The following P2RX3 variants were observed in gnomAD, a reference collection of about 807,000 sequenced individuals.
P2RX3 encodes the protein P2X purinoceptor 3.
A neutral mutation model predicts 51.5 loss-of-function variants in P2RX3; 41 were observed. That is an observed-to-expected ratio of 0.80 (90% CI 0.62 to 1.03). The LOEUF (loss-of-function observed/expected upper bound fraction) is 1.03. P2RX3 is among the 50% of genes least tolerant of loss of function. The probability of loss-of-function intolerance (pLI) is 0.00; values close to 1 mark genes in which losing one functional copy is unlikely to be tolerated. For missense variants in P2RX3, 459 were observed against 522.1 expected (o/e 0.88, Z 1.18); for synonymous variants, 185 against 191.6 (o/e 0.97, Z 0.29).
At position 57,346,600 on chromosome 11, in the gene P2RX3, C is replaced by T. The variant is rs140615250; in HGVS notation, c.176C>T (p.Ser59Leu). The stretch of plus-strand genomic sequence containing the variant: ...GTACGGGACACAGCCATTGAGTCCT[C>T]GGTGGTAACCAAGGTGAAGGGCTCC... ...YQVRDTAIES[S>L]VVTKVKGSGL... The change falls in exon 2 of 12, where the codon TCG becomes TTG. Residue 59 changes from serine (S) to leucine (L), a missense_variant. Ser to Leu is a moderately radical substitution (Grantham distance 145). Coordinates refer to ENST00000263314, the MANE Select transcript of P2RX3 (RefSeq NM_002559.5). 382 of 1,614,168 alleles carry T rather than the reference C, an allele frequency of 2.4e-4. 1 individual carries two copies. Among genetic ancestry groups the T allele is most frequent in the Admixed American group, 1.6e-3 (94 of 60,024 alleles).
chr11:57,358,016 G>A (rs1158412046), intron 8 of P2RX3, among the ~76,000 whole-genome samples: 1 of 152,150 alleles, frequency 6.6e-6, no homozygotes, highest in African/African-American at 2.4e-5. Flanking sequence ...ACGTGTCCCT[G>A]CTTTAAGAAG....
intron 7 of P2RX3, chr11:57,350,296 CT>C (rs1183553337): frequency 0.019 from 2,038 of 108,736 alleles, 17 homozygotes; most frequent in African/African-American, 0.05. Context: ...GAGCCACAAC[CT>C]TTTTTTTTTT....
In P2RX3 at chr11:57,338,634, A is replaced by T. The variant is rs780888628; in HGVS notation, c.84A>T (p.Arg28=). ...GCTGGACCATCGGGATCATCAACCG[A>T]GTAGTTCAGCTTCTGATCATCTCCT... ...VKSWTIGIIN[R]VVQLLIISYF... The change falls in exon 1 of 12, where the codon CGA becomes CGT. Residue 28 remains arginine, a synonymous_variant. Transcript: ENST00000263314. 8.2e-6 allele frequency: 13 copies of T among 1,594,382 alleles called. No individual in the cohort carries two copies. In the South Asian group the frequency reaches 1.3e-4, roughly 16 times the overall value.
At chr11:57,359,009 C>T (rs1856674139) in intron 8 of P2RX3, among the ~76,000 whole-genome samples, 1 of 152,060 alleles carries the variant, frequency 6.6e-6, no homozygotes, top group African/African-American at 2.4e-5. Flanking sequence ...AGTGAAGGCC[C>T]CGGAGGCAAA....
At chr11:57,336,475 T>A (rs1856223762), upstream of P2RX3, among the ~76,000 whole-genome samples, 1 of 152,220 alleles carries the variant, frequency 6.6e-6, no homozygotes, top group Admixed American at 6.5e-5. Flanking sequence ...ATCCTGTGGT[T>A]GCGGAAGCCA....
chr11:57,346,886 G>C (rs920214539), intron 2 of P2RX3, among the ~76,000 whole-genome samples: 1 of 152,232 alleles, frequency 6.6e-6, no homozygotes, highest in African/African-American at 2.4e-5. Context: ...TTCCTCTCCA[G>C]GCTCTGCCAC....
At position 57,355,697 on chromosome 11, in the gene P2RX3, A is replaced by G. The variant is rs182457136; in HGVS notation, c.842+4799A>G. ...ATACATTCTCAGAGTAATAAATCCAACCAATACTGATATATACAAAGTAAT... is the reference window on the plus strand; with the variant it reads ...ATACATTCTCAGAGTAATAAATCCAGCCAATACTGATATATACAAAGTAAT... On this transcript the variant is annotated intron_variant, in intron 8 of 11. Coordinates refer to ENST00000263314, the MANE Select transcript of P2RX3 (RefSeq NM_002559.5). Among the ~76,000 whole-genome samples the G allele has an allele frequency of 5.3e-5, 8 of 152,300 alleles. No individual in the cohort carries two copies. The East Asian group carries it at 1.2e-3, about 22-fold the overall frequency.
intron 8 of P2RX3, among the ~76,000 whole-genome samples, chr11:57,366,683 A>G (rs1204073738): frequency 1.3e-5 from 2 of 152,206 alleles, no homozygotes; most frequent in Admixed American, 1.3e-4. Context: ...TTCTTCATGT[A>G]TAGAGGCTGA....
intron 8 of P2RX3, among the ~76,000 whole-genome samples, chr11:57,364,077 T>A (rs895838722): frequency 2.0e-5 from 3 of 152,194 alleles, no homozygotes; most frequent in African/African-American, 7.2e-5. Context: ...GATGTCACTG[T>A]CAGAGCCGTT....
intron 7 of P2RX3, 124 bp from the exon 8 acceptor site, chr11:57,350,638 C>A: frequency 7.4e-7 from 1 of 1,350,106 alleles, no homozygotes; most frequent in Non-Finnish European, 1.0e-6. Flanking sequence ...TTCTCCCTGC[C>A]TCCGTCTCCC....
chr11:57,365,123 C>T (rs977930014), intron 8 of P2RX3, among the ~76,000 whole-genome samples: 3 of 152,244 alleles, frequency 2.0e-5, no homozygotes, highest in African/African-American at 2.4e-5. Context: ...AGTGCTCCCT[C>T]CTGACCCAGA....
At chr11:57,363,333 C>G (rs1327565468) in intron 8 of P2RX3, among the ~76,000 whole-genome samples, 1 of 152,194 alleles carries the variant, frequency 6.6e-6, no homozygotes, top group African/African-American at 2.4e-5. Context: ...CTATAACAAA[C>G]AAACCCCTCA....
At chr11:57,354,505 G>A (rs1856597081) in intron 8 of P2RX3, among the ~76,000 whole-genome samples, 2 of 152,200 alleles carry the variant, frequency 1.3e-5, no homozygotes, top group South Asian at 4.1e-4. Context: ...GCCCTCAGCA[G>A]AGCCCTGCAG....
rs781259424 is a variant in P2RX3, at chr11:57,368,021, C to T, written c.855C>T (p.Tyr285=). The part of the protein sequence containing the change: ...SPGYNFRFAK[Y]YKMENGSEYR... ...CTCTGACCTCCAGGTTTGCCAAGTA[C>T]TACAAAATGGAAAATGGCAGTGAGT... Residue 285 remains tyrosine, a synonymous_variant, in exon 9 of 12, where the codon TAC becomes TAT. Coordinates refer to ENST00000263314, the MANE Select transcript of P2RX3 (RefSeq NM_002559.5). 5.1e-5 allele frequency: 82 copies of T among 1,614,048 alleles called. No homozygotes were observed. Among genetic ancestry groups the T allele is most frequent in the Non-Finnish European group, 6.9e-5 (82 of 1,180,000 alleles).
rs150915869 is a variant in P2RX3 at position 57,346,172 on chromosome 11, A to G, written c.120-372A>G. Among the ~76,000 whole-genome samples the G allele has an allele frequency of 8.1e-4, 123 of 152,300 alleles. 4 individuals are homozygous for G. The highest frequency in any genetic ancestry group is 2.8e-3 in the African/African-American group (117 of 41,558). On this transcript the variant is annotated intron_variant, in intron 1 of 11. Coordinates refer to ENST00000263314, the MANE Select transcript of P2RX3 (RefSeq NM_002559.5). ...CAGCAGCATGGAATGACTTTGAGCC[A>G]TGCATTCTCAATGGGGCCATATGGC...
At position 57,350,906 on chromosome 11, in the gene P2RX3, C is replaced by T. The variant is rs1856536054; in HGVS notation, c.842+8C>T. On this transcript the variant is annotated splice_region_variant and intron_variant, in intron 8 of 11. Transcript: ENST00000263314. ...CCCAGGCTACAACTTCAGGTAATTC[C>T]CTGTCTCCTGGGACACCAGGAGAAG... 19 of 1,613,942 alleles carry T rather than the reference C, an allele frequency of 1.2e-5. No individual in the cohort carries two copies. The highest frequency in any genetic ancestry group is 1.5e-5 in the Non-Finnish European group (18 of 1,180,008).
rs530257505 is a variant in P2RX3 at position 57,370,608 on chromosome 11, T to G, written c.*611T>G. On this transcript the variant is annotated 3_prime_UTR_variant, in exon 12 of 12. Coordinates refer to ENST00000263314, the MANE Select transcript of P2RX3 (RefSeq NM_002559.5). ...TAATAAAGAGTAAGCCCCATGCCTTTCCCAGCAACAAAGTTTGCATTTTAG... is the reference window on the plus strand; with the variant it reads ...TAATAAAGAGTAAGCCCCATGCCTTGCCCAGCAACAAAGTTTGCATTTTAG... The G allele has an allele frequency of 1.4e-4, 21 of 152,356 alleles. No individual in the cohort carries two copies. Among genetic ancestry groups the G allele is most frequent in the African/African-American group, 5.1e-4 (21 of 41,574 alleles). The allele number at this position is 152,356 out of a possible 1,614,324, so 9.4% of individuals were successfully genotyped here.
At chr11:57,365,273 AAGGGAACTAACC>A (rs1188226371) in intron 8 of P2RX3, among the ~76,000 whole-genome samples, 1 of 152,188 alleles carries the variant, frequency 6.6e-6, no homozygotes, top group East Asian at 1.9e-4. Context: ...AGGTAAAGGG[AAGGGAACTAACC>A]AGGCCAGTGA....
In P2RX3 at chr11:57,348,719, C is replaced by T; in HGVS notation, c.563+15C>T. On this transcript the variant is annotated intron_variant, in intron 6 of 11. Coordinates refer to ENST00000263314, the MANE Select transcript of P2RX3 (RefSeq NM_002559.5). Reference sequence around the variant, plus strand: ...AACTTTGAGAAGTGAGTCCCCACTCCTTCCCTAAAGCCAAGATGCAGGCAC... The same window carrying T: ...AACTTTGAGAAGTGAGTCCCCACTCTTTCCCTAAAGCCAAGATGCAGGCAC... The T allele has an allele frequency of 6.2e-7, 1 of 1,605,498 alleles. No individual in the cohort carries two copies.
Sources: allele counts gnomAD v4.1 joint callset (sites outside exome capture counted in the v4.1 genomes callset), GRCh38; gene constraint gnomAD v4.1.1; transcripts MANE v1.5; gene names NCBI Gene and HGNC (gene_info 2026-07-23, HGNC 2026-07-21).